TSNARE1: variants seen among roughly 807,000 people sequenced by gnomAD.
TSNARE1 encodes t-SNARE domain containing 1.
Under a neutral mutation model 62.0 loss-of-function variants are expected in TSNARE1, and 49 were observed. The ratio of observed to expected loss-of-function variants is 0.79; its 90% CI spans 0.63 to 1.00. TSNARE1 has a LOEUF of 1.00. Among genes scored for constraint, TSNARE1 ranks in the 50% least tolerant of loss-of-function variants. The pLI is 0.00. For missense variants in TSNARE1, 755 were observed against 700.1 expected, an observed-to-expected ratio of 1.08 and a Z score of -0.88; for synonymous variants, 328 against 294.4, an observed-to-expected ratio of 1.11 and a Z score of -1.17.
chr8:142,363,760 A>C (rs1469550507), intron 1 of TSNARE1, among the ~76,000 whole-genome samples: 1 of 152,096 alleles, frequency 6.6e-6, no homozygotes, highest in Non-Finnish European at 1.5e-5. Flanking sequence ...CCCACCCATG[A>C]ATGTGCCCTC....
chr8:142,384,540 T>C (rs1836983172), intron 1 of TSNARE1, among the ~76,000 whole-genome samples: 1 of 152,180 alleles, frequency 6.6e-6, no homozygotes, highest in African/African-American at 2.4e-5. Context: ...TACATGGTGA[T>C]ATGATCATCA....
chr8:142,255,776 CCATCACCACCAT>C (rs1818449895), intron 12 of TSNARE1, among the ~76,000 whole-genome samples: 3 of 93,674 alleles, frequency 3.2e-5, no homozygotes, highest in Non-Finnish European at 4.9e-5. Context: ...ATCACCACCA[CCATCACCACCAT>C]CATCACCATC....
intron 1 of TSNARE1, among the ~76,000 whole-genome samples, chr8:142,363,535 T>C (rs1217416375): frequency 6.6e-6 from 1 of 151,988 alleles, no homozygotes; most frequent in Non-Finnish European, 1.5e-5. Context: ...CCCTTCAAGG[T>C]GGCCTCTTGG....
intron 11 of TSNARE1, chr8:142,276,590 G>A: frequency 1.0e-6 from 1 of 985,378 alleles, no homozygotes; most frequent in Non-Finnish European, 1.2e-6. Context: ...GGTGGTGCTG[G>A]ACAGGCCATG....
At position 142,395,588 on chromosome 8, in the gene TSNARE1, G is replaced by A. The variant is rs1051062276; in HGVS notation, c.-40+7516C>T. On this transcript the variant is annotated intron_variant, in intron 1 of 13. Coordinates refer to ENST00000524325, the MANE Select transcript of TSNARE1 (RefSeq NM_145003.5). The stretch of plus-strand genomic sequence containing the variant: ...TCTGTCGCCAGGGGGCGGCACCGCC[G>A]GATCTACCCCTCAGCAAGATGCAGA... 2.5e-4 allele frequency among the ~76,000 whole-genome samples: 38 copies of A among 150,842 alleles called. 2 individuals carry two copies. Among genetic ancestry groups the A allele is most frequent in the Admixed American group, 2.2e-3 (33 of 15,206 alleles).
chr8:142,365,886 C>G (rs986433537), intron 1 of TSNARE1: 1 of 448,738 alleles, frequency 2.2e-6, no homozygotes, highest in African/African-American at 2.0e-5. Flanking sequence ...AAGTGAAGAA[C>G]ATGTAAATGA....
At chr8:142,318,457 C>T in intron 7 of TSNARE1, 87 bp downstream of exon 7, 4 of 1,345,572 alleles carry the variant, frequency 3.0e-6, no homozygotes, top group East Asian at 2.3e-5. Context: ...CTCCCTGTAT[C>T]CTGCCTCGTG....
intron 6 of TSNARE1, among the ~76,000 whole-genome samples, chr8:142,330,052 A>T (rs1830786338): frequency 1.3e-5 from 2 of 152,182 alleles, no homozygotes; most frequent in South Asian, 4.1e-4. Flanking sequence ...TGGTGTGGCC[A>T]CCAGTTCTGC....
chr8:142,276,463 C>T (rs1413049599), intron 11 of TSNARE1: 4 of 985,376 alleles, frequency 4.1e-6, no homozygotes, highest in East Asian at 1.1e-4. Context: ...AAAGGAGCCA[C>T]CTTACACCTG....
chr8:142,311,765 T>G (rs957212368), intron 9 of TSNARE1, among the ~76,000 whole-genome samples: 4 of 152,214 alleles, frequency 2.6e-5, no homozygotes, highest in Admixed American at 2.6e-4. Flanking sequence ...CTTTAGATTT[T>G]CTATCATTTT....
chr8:142,377,647 T>TG (rs573121331), intron 1 of TSNARE1, among the ~76,000 whole-genome samples: 88 of 152,146 alleles, frequency 5.8e-4, no homozygotes, highest in Middle Eastern at 6.8e-3. Context: ...GGTGCATAAC[T>TG]GGGGGAACGG....
chr8:142,381,166 G>C (rs774781160), intron 1 of TSNARE1, among the ~76,000 whole-genome samples: 1 of 152,198 alleles, frequency 6.6e-6, no homozygotes, highest in African/African-American at 2.4e-5. Context: ...GCTCCCCTGG[G>C]AATCCTGCCC....
intron 1 of TSNARE1, among the ~76,000 whole-genome samples, chr8:142,367,238 G>A (rs1835614401): frequency 6.6e-6 from 1 of 152,186 alleles, no homozygotes; most frequent in South Asian, 2.1e-4. Flanking sequence ...GGACAAGTTG[G>A]CAGACAGTTC....
chr8:142,340,190 C>G (rs1007682513), intron 4 of TSNARE1, among the ~76,000 whole-genome samples: 1 of 152,192 alleles, frequency 6.6e-6, no homozygotes, highest in African/African-American at 2.4e-5. Context: ...GAGCACCAGT[C>G]CAAAAAGAAC....
At chr8:142,365,550 C>T (rs1321611758) in intron 1 of TSNARE1, among the ~76,000 whole-genome samples, 1 of 151,270 alleles carries the variant, frequency 6.6e-6, no homozygotes, top group South Asian at 2.1e-4. Flanking sequence ...ATCACATCTG[C>T]AACTCACTAT....
At chr8:142,347,329 C>T (rs186323983) in intron 2 of TSNARE1, among the ~76,000 whole-genome samples, 2 of 152,346 alleles carry the variant, frequency 1.3e-5, no homozygotes, top group East Asian at 3.9e-4. Context: ...GACCAAGGCC[C>T]GGAGGGGGCC....
intron 12 of TSNARE1, among the ~76,000 whole-genome samples, chr8:142,244,463 T>C (rs1257115800): frequency 2.0e-5 from 3 of 152,046 alleles, no homozygotes; most frequent in African/African-American, 7.3e-5. Context: ...TTTAAAACAT[T>C]AAAGAGGGCG....
In TSNARE1 at chr8:142,344,309, C is replaced by T; in HGVS notation, c.402G>A (p.Glu134=). Reference sequence around the variant, plus strand: ...GCTTGCTCACCTTGGACACCAGCACCTCGGTCTCCTGCGGGCAGAAGTTGG... The same window carrying T: ...GCTTGCTCACCTTGGACACCAGCACTTCGGTCTCCTGCGGGCAGAAGTTGG... ...RKPNFCPQET[E]VLVSKVSKHH... The change falls in exon 4 of 14, where the codon GAG becomes GAA. Residue 134 remains glutamate (E), a synonymous_variant. Coordinates refer to ENST00000524325, the MANE Select transcript of TSNARE1 (RefSeq NM_145003.5). The T allele has an allele frequency of 6.3e-7, 1 of 1,593,938 alleles. No homozygotes were observed. Among genetic ancestry groups the T allele is most frequent in the Non-Finnish European group, 8.6e-7 (1 of 1,166,560 alleles).
At chr8:142,382,009 C>A (rs1417047743) in intron 1 of TSNARE1, among the ~76,000 whole-genome samples, 1 of 152,186 alleles carries the variant, frequency 6.6e-6, no homozygotes, top group Non-Finnish European at 1.5e-5. Flanking sequence ...GACACCCCCC[C>A]TACACACAGG....
Sources: allele counts gnomAD v4.1 joint callset (sites outside exome capture counted in the v4.1 genomes callset), GRCh38; gene constraint gnomAD v4.1.1; transcripts MANE v1.5; gene names NCBI Gene and HGNC (gene_info 2026-07-23, HGNC 2026-07-21).